Variants in R3HDM2 observed in about 807,000 individuals in gnomAD.
R3HDM2 encodes R3H domain containing 2, also known as R3H domain-containing protein 2.
Under a neutral mutation model 124.5 loss-of-function variants are expected in R3HDM2, and 38 were observed. The ratio of observed to expected loss-of-function variants is 0.31; its 90% CI spans 0.24 to 0.40. The LOEUF (loss-of-function observed/expected upper bound fraction) is 0.40. Among genes scored for constraint, R3HDM2 ranks in the 10% least tolerant of loss-of-function variants. The pLI is 1.00. For missense variants in R3HDM2, 869 were observed against 1,236.9 expected, an observed-to-expected ratio of 0.70 and a Z score of 4.46; for synonymous variants, 391 against 448.0, an observed-to-expected ratio of 0.87 and a Z score of 1.61.
At chr12:57,364,961 A>AAT (rs1555290760) in intron 2 of R3HDM2, among the ~76,000 whole-genome samples, 1 of 134,476 alleles carries the variant, frequency 7.4e-6, no homozygotes, top group Non-Finnish European at 1.6e-5. Context: ...TCAAAAAAAA[A>AAT]AAAAAAAAAA....
intron 2 of R3HDM2, among the ~76,000 whole-genome samples, chr12:57,335,711 C>T (rs1198580783): frequency 1.3e-5 from 2 of 150,556 alleles, no homozygotes; most frequent in African/African-American, 4.9e-5. Context: ...TTAGGTTGCC[C>T]AGGCTGGCCT....
chr12:57,266,699 T>C (rs1361570934), intron 19 of R3HDM2, 32 bp downstream of exon 19: 1 of 1,506,230 alleles, frequency 6.6e-7, no homozygotes, highest in African/African-American at 1.4e-5. Context: ...CTCTTGTCAG[T>C]GCCCAAGACC....
chr12:57,338,945 T>C (rs2136905123), intron 2 of R3HDM2, among the ~76,000 whole-genome samples: 1 of 152,270 alleles, frequency 6.6e-6, no homozygotes, highest in South Asian at 2.1e-4. Flanking sequence ...AAAGATTTAT[T>C]ATGTATATAT....
rs950280504 is a variant in R3HDM2 at position 57,430,539 on chromosome 12, C to T, written c.-106+181G>A. On this transcript the variant is annotated intron_variant, in intron 1 of 23. Coordinates refer to ENST00000402412, the MANE Select transcript of R3HDM2 (RefSeq NM_001394031.1). ...CGCGCCCCCAGCTTCTCTCCAGCAGCGCACACTTGGAGCAGTCCTTCCCGC... is the reference window on the plus strand; with the variant it reads ...CGCGCCCCCAGCTTCTCTCCAGCAGTGCACACTTGGAGCAGTCCTTCCCGC... 4 of 985,036 alleles carry T rather than the reference C, an allele frequency of 4.1e-6. No individual in the cohort carries two copies. In the African/African-American group the frequency reaches 7.0e-5, roughly 17 times the overall value. The allele number at this position is 985,036 out of a possible 1,614,324, so 61.0% of individuals were successfully genotyped here.
chr12:57,340,846 G>A (rs1356782812), intron 2 of R3HDM2, among the ~76,000 whole-genome samples: 3 of 151,282 alleles, frequency 2.0e-5, no homozygotes, highest in Admixed American at 6.6e-5. Flanking sequence ...AGAAATCAGC[G>A]GTATTAAAAT....
Position 57,257,987 on chromosome 12 carries a change from T to C in R3HDM2, c.2449+3A>G. 6.5e-7 allele frequency: 1 copy of C among 1,535,486 alleles called. No homozygotes were observed. Among genetic ancestry groups the C allele is most frequent in the South Asian group, 1.3e-5 (1 of 78,594 alleles). On this transcript the variant is annotated splice_donor_region_variant and intron_variant, in intron 21 of 23. Transcript: ENST00000402412. The stretch of plus-strand genomic sequence containing the variant: ...AGCAGCCAGCACTAATCTAACCCCC[T>C]ACCCTGTGCTGGACCCCCAGGCCGG...
intron 3 of R3HDM2, among the ~76,000 whole-genome samples, chr12:57,309,040 C>T (rs1324960590): frequency 3.9e-5 from 6 of 152,216 alleles, no homozygotes; most frequent in Admixed American, 6.5e-5. Flanking sequence ...AATTGTAAGA[C>T]GAAAAACAGT....
At chr12:57,393,412 C>T (rs2067027406) in intron 2 of R3HDM2, among the ~76,000 whole-genome samples, 1 of 152,162 alleles carries the variant, frequency 6.6e-6, no homozygotes, top group Non-Finnish European at 1.5e-5. Flanking sequence ...CTATAGTACA[C>T]TTGAACTCGT....
intron 1 of R3HDM2, among the ~76,000 whole-genome samples, chr12:57,399,560 C>T (rs1435841592): frequency 6.6e-6 from 1 of 152,144 alleles, no homozygotes; most frequent in East Asian, 1.9e-4. Context: ...CAAATTATCA[C>T]AGGTTTAGGC....
chr12:57,419,870 A>C (rs546073364), intron 1 of R3HDM2, among the ~76,000 whole-genome samples: 20 of 151,950 alleles, frequency 1.3e-4, no homozygotes, highest in South Asian at 4.2e-4. Flanking sequence ...CTCAGCAGCT[A>C]TCTCTCCCAC....
At chr12:57,397,360 C>G (rs542957969) in intron 1 of R3HDM2, among the ~76,000 whole-genome samples, 1 of 152,124 alleles carries the variant, frequency 6.6e-6, no homozygotes. Flanking sequence ...TTCTTGGAAG[C>G]CTTCAAAACA....
chr12:57,258,040 C>T lies in R3HDM2; in HGVS notation c.2399G>A (p.Ser800Asn). The T allele has an allele frequency of 6.3e-7, 1 of 1,597,450 alleles. No homozygotes were observed. The highest frequency in any genetic ancestry group is 8.6e-7 in the Non-Finnish European group (1 of 1,168,428). Reference sequence around the variant, plus strand: ...GAACTGTGTGAGGACAGGCAGGGGACTGAGTCCTGTGCAGACACTGCTGAG... The same window carrying T: ...GAACTGTGTGAGGACAGGCAGGGGATTGAGTCCTGTGCAGACACTGCTGAG... ...TSLSSVCTGL[S>N]PLPVLTQFPR... The change falls in exon 21 of 24, where the codon AGT (serine) becomes AAT (asparagine). Residue 800 changes from serine to asparagine, a missense_variant. By Grantham distance (46) the Ser-to-Asn change is conservative. Coordinates refer to ENST00000402412, the MANE Select transcript of R3HDM2 (RefSeq NM_001394031.1).
intron 2 of R3HDM2, among the ~76,000 whole-genome samples, chr12:57,394,171 C>G (rs2138775961): frequency 6.6e-6 from 1 of 151,970 alleles, no homozygotes; most frequent in South Asian, 2.1e-4. Flanking sequence ...GTGGCATACA[C>G]CTGTAATCCC....
intron 1 of R3HDM2, among the ~76,000 whole-genome samples, chr12:57,421,055 C>G (rs755825122): frequency 9.2e-5 from 14 of 151,946 alleles, no homozygotes; most frequent in Admixed American, 1.3e-4. Flanking sequence ...ACCCAGAAAA[C>G]TAGAAGTCAT....
intron 2 of R3HDM2, among the ~76,000 whole-genome samples, chr12:57,343,879 A>G (rs2059847332): frequency 6.6e-6 from 1 of 152,038 alleles, no homozygotes; most frequent in African/African-American, 2.4e-5. Flanking sequence ...AAAGCAATCT[A>G]ACTTTTACAC....
chr12:57,410,669 A>G (rs558996624), intron 1 of R3HDM2, among the ~76,000 whole-genome samples: 2 of 152,294 alleles, frequency 1.3e-5, no homozygotes, highest in Admixed American at 1.3e-4. Context: ...CCTGGGCTAC[A>G]TGGCAAGACC....
chr12:57,419,463 AC>A (rs1445904363), intron 1 of R3HDM2, among the ~76,000 whole-genome samples: 1 of 149,590 alleles, frequency 6.7e-6, no homozygotes, highest in Non-Finnish European at 1.5e-5. Context: ...TTTTTTAGAG[AC>A]AGGGTCTCAC....
At chr12:57,313,461 G>A (rs1163497779) in intron 2 of R3HDM2, among the ~76,000 whole-genome samples, 2 of 151,916 alleles carry the variant, frequency 1.3e-5, no homozygotes, top group African/African-American at 4.8e-5. Flanking sequence ...CTACTCAAGA[G>A]GCTGAGGCGG....
intron 19 of R3HDM2, among the ~76,000 whole-genome samples, chr12:57,260,263 C>CA (rs566868060): frequency 0.34 from 10,775 of 31,456 alleles, 3,223 homozygotes; most frequent in South Asian, 0.74. Context: ...GACCCTGCCT[C>CA]AAAAAAAAAA....
Sources: gnomAD v4.1 joint callset for allele counts (sites outside exome capture counted in the v4.1 genomes callset) on GRCh38, gnomAD v4.1.1 for gene constraint, MANE v1.5 for transcripts, NCBI Gene and HGNC (gene_info 2026-07-23, HGNC 2026-07-21) for gene names.